The following CCAR1 variants were observed in gnomAD, a reference collection of about 807,000 sequenced individuals.
CCAR1 encodes cell division cycle and apoptosis regulator protein 1.
CCAR1 carries 78 observed loss-of-function variants against 163.8 expected under a neutral mutation model. The observed-to-expected ratio is 0.48, with a 90% CI of 0.40 to 0.57. The LOEUF is 0.57. Ranked by LOEUF, CCAR1 falls within the 20% of genes least tolerant of loss-of-function variation. The pLI, the probability that CCAR1 is intolerant of heterozygous loss-of-function variation, is 0.00. For synonymous variants in CCAR1, 443 were observed against 460.7 expected, an observed-to-expected ratio of 0.96 and a Z score of 0.49; for missense variants, 1,019 against 1,365.2, an observed-to-expected ratio of 0.75 and a Z score of 4.00.
chr10:68,755,165 A>G (rs541260049), intron 12 of CCAR1: 8 of 740,734 alleles, frequency 1.1e-5, no homozygotes, highest in African/African-American at 8.5e-5. Context: ...AAATATTTTA[A>G]AAGGATGAGT....
Position 68,749,187 on chromosome 10 carries a change from G to C in CCAR1, c.878G>C (p.Arg293Pro). 1 of 1,613,746 alleles carries C rather than the reference G, an allele frequency of 6.2e-7. No homozygotes were observed. Residue 293 changes from arginine (R) to proline (P), a missense_variant, in exon 9 of 25, where the codon CGA becomes CCA. Arg to Pro is a moderately radical substitution (Grantham distance 103, BLOSUM62 -2). Around this residue, in one of 4 missense-constraint regions of CCAR1, gnomAD observed 644 missense variants for 904.4 expected, o/e 0.71. Coordinates refer to ENST00000265872, the MANE Select transcript of CCAR1 (RefSeq NM_018237.4). ...VRIVSQPQPA[R>P]RLDPPSRFSG... ...ATAGTTTCACAGCCACAACCGGCACGACGATTAGATCCCCCATCCCGATTT... is the reference window on the plus strand; with the variant it reads ...ATAGTTTCACAGCCACAACCGGCACCACGATTAGATCCCCCATCCCGATTT...
Position 68,788,292 on chromosome 10 carries a change from G to A in CCAR1, c.3151G>A (p.Val1051Ile). 6.3e-7 allele frequency: 1 copy of A among 1,583,014 alleles called. No homozygotes were observed. Among genetic ancestry groups the A allele is most frequent in the Non-Finnish European group, 8.5e-7 (1 of 1,170,998 alleles). The change falls in exon 23 of 25, where the codon GTA becomes ATA. Residue 1051 changes from valine to isoleucine, a missense_variant. Around this residue, in one of 4 missense-constraint regions of CCAR1, gnomAD observed 358 missense variants for 406.4 expected, o/e 0.88. Transcript: ENST00000265872. ...LEKSEKVRAE[V>I]EQKLQLLEEK... Reference sequence around the variant, plus strand: ...AAAGAGCGAAAAAGTAAGAGCTGAGGTAGAACAGAAGCTGCAGTTACTAGA... The same window carrying A: ...AAAGAGCGAAAAAGTAAGAGCTGAGATAGAACAGAAGCTGCAGTTACTAGA...
intron 15 of CCAR1, among the ~76,000 whole-genome samples, chr10:68,758,160 T>G (rs2056419143): frequency 6.6e-6 from 1 of 152,044 alleles, no homozygotes; most frequent in Non-Finnish European, 1.5e-5. Context: ...GTTCAAATGA[T>G]TCTTGTGCCT....
At chr10:68,763,808 G>T (rs751413845) in intron 16 of CCAR1, among the ~76,000 whole-genome samples, 1 of 152,150 alleles carries the variant, frequency 6.6e-6, no homozygotes, top group Non-Finnish European at 1.5e-5. Flanking sequence ...GTTCTTTCAA[G>T]TTATGTGCCC....
chr10:68,729,897 T>C (rs991630156), intron 2 of CCAR1, among the ~76,000 whole-genome samples: 1 of 146,588 alleles, frequency 6.8e-6, no homozygotes, highest in African/African-American at 2.5e-5. Context: ...TTGAATTTTA[T>C]TCATTATTTC....
At chr10:68,761,497 G>A (rs970035221) in intron 16 of CCAR1, among the ~76,000 whole-genome samples, 2 of 151,264 alleles carry the variant, frequency 1.3e-5, no homozygotes, top group African/African-American at 4.9e-5. Context: ...TAGTAGAGAC[G>A]GGGTTTCACC....
chr10:68,731,591 G>GTTTTTTTTTTTTTT (rs67032408), intron 2 of CCAR1, among the ~76,000 whole-genome samples: 1 of 75,622 alleles, frequency 1.3e-5, no homozygotes, highest in Non-Finnish European at 2.4e-5. Context: ...TCTTGTTTCT[G>GTTTTTTTTTTTTTT]TTTTTTTTTT....
intron 2 of CCAR1, among the ~76,000 whole-genome samples, chr10:68,732,259 G>T (rs1173673841): frequency 6.6e-6 from 1 of 152,120 alleles, no homozygotes; most frequent in Non-Finnish European, 1.5e-5. Context: ...CAGATTATTA[G>T]AATTTAAAGT....
At chr10:68,755,299 C>T in intron 12 of CCAR1, 71 bp from the exon 13 acceptor site, 1 of 1,364,628 alleles carries the variant, frequency 7.3e-7, no homozygotes, top group African/African-American at 1.4e-5. Flanking sequence ...TGTACCTTTC[C>T]TTCTCAAGTA....
intron 15 of CCAR1, among the ~76,000 whole-genome samples, chr10:68,757,998 C>T (rs2056417065): frequency 6.6e-6 from 1 of 152,062 alleles, no homozygotes; most frequent in Non-Finnish European, 1.5e-5. Flanking sequence ...GCCTTGGCAT[C>T]CCAAAGTGCT....
Position 68,757,338 on chromosome 10 carries a change from A to T in CCAR1, c.1881A>T (p.Thr627=), listed in dbSNP as rs770202635. Residue 627 remains threonine, a synonymous_variant, in exon 15 of 25, where the codon ACA becomes ACT. Coordinates refer to ENST00000265872, the MANE Select transcript of CCAR1 (RefSeq NM_018237.4). The stretch of plus-strand genomic sequence containing the variant: ...ATGGTGAAGCTAAAGAAATTTCTAC[A>T]CCTACCCATTGGTCTAAACTTGATC... ...KDDGEAKEIS[T]PTHWSKLDPK... 3 of 1,591,404 alleles carry T rather than the reference A, an allele frequency of 1.9e-6. No individual in the cohort carries two copies. Among genetic ancestry groups the T allele is most frequent in the Non-Finnish European group, 2.6e-6 (3 of 1,159,884 alleles).
rs775427935 is a variant in CCAR1, at chr10:68,747,443, A to G, written c.703A>G (p.Thr235Ala). The part of the protein sequence containing the change: ...AVLQPIAPQT[T>A]FGVQTQPQPQ... ...ACTTCAGCCAATTGCACCACAGACA[A>G]CATTTGGTGTTCAGACTCAGCCCCA... The change falls in exon 8 of 25, where the codon ACA (threonine) becomes GCA (alanine). Residue 235 changes from threonine (T) to alanine (A), a missense_variant. Coordinates refer to ENST00000265872, the MANE Select transcript of CCAR1 (RefSeq NM_018237.4). The G allele has an allele frequency of 6.2e-7, 1 of 1,614,166 alleles. No individual in the cohort carries two copies. The highest frequency in any genetic ancestry group is 8.5e-7 in the Non-Finnish European group (1 of 1,180,008).
chr10:68,749,510 A>G lies in CCAR1; in HGVS notation c.957-14A>G, dbSNP rs1471000494. ...ATTAGAAATATTAGTAATTTTAGAA[A>G]AATTTGCTTTCAGTCGTGAGAGAGA... On this transcript the variant is annotated splice_polypyrimidine_tract_variant and intron_variant, in intron 9 of 24. Coordinates refer to ENST00000265872, the MANE Select transcript of CCAR1 (RefSeq NM_018237.4). The G allele has an allele frequency of 1.2e-6, 2 of 1,601,738 alleles. No individual in the cohort carries two copies. Among genetic ancestry groups the G allele is most frequent in the Admixed American group, 1.7e-5 (1 of 57,930 alleles).
chr10:68,727,138 G>A (rs1035109519), intron 2 of CCAR1, among the ~76,000 whole-genome samples: 1 of 147,644 alleles, frequency 6.8e-6, no homozygotes, highest in African/African-American at 2.5e-5. Flanking sequence ...CACGATCTGG[G>A]CTCACTGCAA....
Position 68,791,196 on chromosome 10 carries a change from T to C in CCAR1, c.3394-11T>C. On this transcript the variant is annotated splice_polypyrimidine_tract_variant and intron_variant, in intron 24 of 24. Coordinates refer to ENST00000265872, the MANE Select transcript of CCAR1 (RefSeq NM_018237.4). ...ATAAAATGTATTTTTTCCTTCTCTA[T>C]TGTCTTATAGGATAATGTAAAGAAT... The C allele has an allele frequency of 6.7e-7, 1 of 1,498,590 alleles. No homozygotes were observed. Among genetic ancestry groups the C allele is most frequent in the Non-Finnish European group, 9.2e-7 (1 of 1,088,530 alleles). The allele number at this position is 1,498,590 out of a possible 1,614,324, so 92.8% of individuals were successfully genotyped here.
At chr10:68,772,302 G>T (rs1225547502) in intron 18 of CCAR1, among the ~76,000 whole-genome samples, 3 of 151,960 alleles carry the variant, frequency 2.0e-5, no homozygotes, top group African/African-American at 7.3e-5. Context: ...GGACAACATG[G>T]TGAAACCCCC....
chr10:68,790,746 T>G (rs2056843613), intron 24 of CCAR1, among the ~76,000 whole-genome samples: 3 of 143,644 alleles, frequency 2.1e-5, no homozygotes, highest in Admixed American at 1.4e-4. Context: ...CGGTGGCTCA[T>G]GCCTGTAATC....
chr10:68,763,908 A>G (rs1382875870), intron 16 of CCAR1, among the ~76,000 whole-genome samples: 2 of 152,176 alleles, frequency 1.3e-5, no homozygotes, highest in Non-Finnish European at 2.9e-5. Flanking sequence ...TCCTTGTCCT[A>G]GTTCAGGAAT....
At chr10:68,776,506 C>T (rs990612436) in intron 19 of CCAR1, among the ~76,000 whole-genome samples, 9 of 152,154 alleles carry the variant, frequency 5.9e-5, no homozygotes, top group East Asian at 1.9e-4. Context: ...GCGGAGGTTG[C>T]GGTGAACCGA....
Sources: gnomAD v4.1 joint callset for allele counts (sites outside exome capture counted in the v4.1 genomes callset) on GRCh38, gnomAD v4.1.1 for gene constraint, gnomAD v4.1.1 regional missense constraint, MANE v1.5 for transcripts, NCBI Gene and HGNC (gene_info 2026-07-23, HGNC 2026-07-21) for gene names.